The following C3orf33 variants were observed in gnomAD, a reference collection of about 807,000 sequenced individuals.
C3orf33 encodes mitochondrial inner membrane subdomain organizer 1.
C3orf33 carries 23 observed loss-of-function variants against 28.7 expected under a neutral mutation model. That is an observed-to-expected ratio of 0.80 (90% CI 0.58 to 1.13). The LOEUF (loss-of-function observed/expected upper bound fraction) is 1.13, where lower values mean the gene tolerates loss of function less well. Among genes scored for constraint, C3orf33 ranks in the 50% most tolerant of loss-of-function variants. The probability of loss-of-function intolerance (pLI) is 0.00; values close to 1 mark genes in which losing one functional copy is unlikely to be tolerated. For synonymous variants in C3orf33, 119 were observed against 120.5 expected, an observed-to-expected ratio of 0.99 and a Z score of 0.08; for missense variants, 327 against 353.4, an observed-to-expected ratio of 0.93 and a Z score of 0.60.
chr3:155,776,231 G>A (rs909975372), intron 2 of C3orf33, among the ~76,000 whole-genome samples: 2 of 152,060 alleles, frequency 1.3e-5, no homozygotes, highest in African/African-American at 4.8e-5. Context: ...ATATACTGAC[G>A]GGAAAACTTA....
At chr3:155,803,422 G>A (rs929620810) in intron 1 of C3orf33, among the ~76,000 whole-genome samples, 5 of 151,794 alleles carry the variant, frequency 3.3e-5, no homozygotes, top group South Asian at 4.2e-4. Context: ...AAAATTAGCC[G>A]GGCGTGGTGG....
At chr3:155,797,912 A>T (rs1193902528) in intron 2 of C3orf33, among the ~76,000 whole-genome samples, 1 of 151,994 alleles carries the variant, frequency 6.6e-6, no homozygotes, top group Non-Finnish European at 1.5e-5. Context: ...CTCTACTAAA[A>T]ATACAAAAAT....
At chr3:155,764,987 A>T (rs1291708034) in intron 4 of C3orf33, among the ~76,000 whole-genome samples, 1 of 152,234 alleles carries the variant, frequency 6.6e-6, no homozygotes, top group Non-Finnish European at 1.5e-5. Flanking sequence ...ACATGATAAC[A>T]GTTATAAAGC....
intron 2 of C3orf33, among the ~76,000 whole-genome samples, chr3:155,781,022 G>A (rs1225121266): frequency 6.9e-6 from 1 of 145,968 alleles, no homozygotes; most frequent in Non-Finnish European, 1.5e-5. Flanking sequence ...ACGGAGTCTC[G>A]CTCTGTCGCC....
rs371513447 is a variant in C3orf33, at chr3:155,774,018, T to C, written c.322+1683A>G. ...CTTGTTCCTTTACAGTTGTACATTA[T>C]TGAACAGAGTGATATTCGTTCAACT... On this transcript the variant is annotated intron_variant, in intron 3 of 4. Transcript: ENST00000340171. 8.5e-5 allele frequency among the ~76,000 whole-genome samples: 13 copies of C among 152,332 alleles called. No homozygotes were observed. In the East Asian group the frequency reaches 1.2e-3, roughly 14 times the overall value.
intron 3 of C3orf33, among the ~76,000 whole-genome samples, chr3:155,773,166 A>T (rs1299275910): frequency 6.6e-6 from 1 of 152,238 alleles, no homozygotes; most frequent in African/African-American, 2.4e-5. Context: ...TAACTATTTT[A>T]AAATGAAGAC....
chr3:155,800,656 T>C (rs1342656890), intron 2 of C3orf33, among the ~76,000 whole-genome samples: 1 of 81,366 alleles, frequency 1.2e-5, no homozygotes, highest in African/African-American at 4.1e-5. Context: ...ACATACAGAA[T>C]GGATGTGAGA....
intron 3 of C3orf33, among the ~76,000 whole-genome samples, chr3:155,768,730 G>T (rs892940494): frequency 6.6e-6 from 1 of 152,126 alleles, no homozygotes; most frequent in African/African-American, 2.4e-5. Flanking sequence ...AGATATCCTA[G>T]AACACTGTTA....
At chr3:155,799,106 C>A (rs1416972284) in intron 2 of C3orf33, among the ~76,000 whole-genome samples, 2 of 152,092 alleles carry the variant, frequency 1.3e-5, no homozygotes, top group Non-Finnish European at 2.9e-5. Context: ...TGGCTTTTAT[C>A]CAAAAGATAG....
chr3:155,773,554 C>G (rs1750652381), intron 3 of C3orf33, among the ~76,000 whole-genome samples: 1 of 152,192 alleles, frequency 6.6e-6, no homozygotes, highest in Admixed American at 6.6e-5. Flanking sequence ...TTAAGGACTT[C>G]TAAGGCTCCC....
chr3:155,772,864 C>G (rs1750633483), intron 3 of C3orf33, among the ~76,000 whole-genome samples: 1 of 150,212 alleles, frequency 6.7e-6, no homozygotes, highest in South Asian at 2.1e-4. Flanking sequence ...ATAGGTGGCA[C>G]AGAATTGTCA....
chr3:155,801,622 A>C (rs976962101), intron 2 of C3orf33, among the ~76,000 whole-genome samples: 1 of 152,216 alleles, frequency 6.6e-6, no homozygotes, highest in African/African-American at 2.4e-5. Context: ...AGCCAGTCAC[A>C]AAAAAATACC....
chr3:155,800,311 G>A (rs544558577), intron 2 of C3orf33, among the ~76,000 whole-genome samples: 29 of 152,114 alleles, frequency 1.9e-4, no homozygotes, highest in African/African-American at 6.7e-4. Flanking sequence ...ATTAGAAAAA[G>A]TAAACACATA....
chr3:155,794,315 G>A (rs145498000), intron 2 of C3orf33, among the ~76,000 whole-genome samples: 5 of 151,872 alleles, frequency 3.3e-5, no homozygotes, highest in African/African-American at 9.7e-5. Flanking sequence ...TGTTGTCATC[G>A]GTTTAAAATA....
At chr3:155,782,478 G>T (rs1413325848) in intron 2 of C3orf33, among the ~76,000 whole-genome samples, 1 of 152,000 alleles carries the variant, frequency 6.6e-6, no homozygotes, top group African/African-American at 2.4e-5. Context: ...TAAAGACAAA[G>T]AAAAAACTTT....
chr3:155,779,353 G>T (rs987869998), intron 2 of C3orf33, among the ~76,000 whole-genome samples: 1 of 152,080 alleles, frequency 6.6e-6, no homozygotes, highest in Non-Finnish European at 1.5e-5. Flanking sequence ...GGAGTGCAGT[G>T]GCATGATCTC....
At chr3:155,772,099 GGAGGCT>G (rs1185493148) in intron 3 of C3orf33, among the ~76,000 whole-genome samples, 1 of 152,162 alleles carries the variant, frequency 6.6e-6, no homozygotes, top group African/African-American at 2.4e-5. Flanking sequence ...TAACTGCTTA[GGAGGCT>G]GAGGCAAGAG....
intron 2 of C3orf33, among the ~76,000 whole-genome samples, chr3:155,778,065 G>A (rs1236031779): frequency 2.1e-5 from 3 of 142,670 alleles, no homozygotes; most frequent in Non-Finnish European, 4.5e-5. Flanking sequence ...CAGGAGAATC[G>A]CTTGAACCTG....
At chr3:155,797,564 C>T (rs1281492696) in intron 2 of C3orf33, among the ~76,000 whole-genome samples, 1 of 152,164 alleles carries the variant, frequency 6.6e-6, no homozygotes, top group Non-Finnish European at 1.5e-5. Flanking sequence ...AACCTAAAGA[C>T]TCCACCAAAA....
Sources: allele counts gnomAD v4.1 joint callset (sites outside exome capture counted in the v4.1 genomes callset), GRCh38; gene constraint gnomAD v4.1.1; transcripts MANE v1.5; gene names NCBI Gene and HGNC (gene_info 2026-07-23, HGNC 2026-07-21).